RBFOX1: variants seen among roughly 807,000 people sequenced by gnomAD.
RBFOX1 encodes RNA binding protein fox-1 homolog 1.
Under a neutral mutation model 57.7 loss-of-function variants are expected in RBFOX1, and 8 were observed. The ratio of observed to expected loss-of-function variants is 0.14; its 90% CI spans 0.08 to 0.25. RBFOX1 has a LOEUF of 0.25. RBFOX1 is among the 10% of genes least tolerant of loss of function. The pLI is 1.00. For missense variants in RBFOX1, 611 were observed against 548.5 expected (o/e 1.11, Z -1.14); for synonymous variants, 326 against 222.4 (o/e 1.47, Z -4.15).
At chr16:5,367,250 C>A (rs2065742633) in intron 1 of RBFOX1, among the ~76,000 whole-genome samples, 2 of 152,168 alleles carry the variant, frequency 1.3e-5, no homozygotes, top group Admixed American at 1.3e-4. Context: ...AGTTTCTGCA[C>A]ACAAGTGGGT....
chr16:5,615,750 G>A (rs62016932), intron 3 of RBFOX1, among the ~76,000 whole-genome samples: 2 of 152,182 alleles, frequency 1.3e-5, no homozygotes, highest in African/African-American at 2.4e-5. Flanking sequence ...GGGGGACCCC[G>A]TTAGGAAAAA....
chr16:7,652,316 G>C (rs958818026), intron 11 of RBFOX1, among the ~76,000 whole-genome samples: 2 of 152,160 alleles, frequency 1.3e-5, no homozygotes, highest in African/African-American at 4.8e-5. Flanking sequence ...CAGGGGGCTG[G>C]GGTAATCATC....
intron 4 of RBFOX1, among the ~76,000 whole-genome samples, chr16:7,491,665 C>G (rs1042811263): frequency 2.6e-5 from 4 of 152,074 alleles, no homozygotes; most frequent in African/African-American, 9.7e-5. Flanking sequence ...GGGTCTTGCT[C>G]TGTCACCCAG....
chr16:6,897,666 G>A (rs1263634374), intron 3 of RBFOX1, among the ~76,000 whole-genome samples: 1 of 152,010 alleles, frequency 6.6e-6, no homozygotes, highest in Non-Finnish European at 1.5e-5. Flanking sequence ...GGTGGCACGT[G>A]TCTGTAATCA....
At chr16:6,845,502 T>C (rs1299185657) in intron 3 of RBFOX1, among the ~76,000 whole-genome samples, 2 of 152,206 alleles carry the variant, frequency 1.3e-5, no homozygotes, top group Non-Finnish European at 2.9e-5. Flanking sequence ...GTGTGCAGTC[T>C]TATTTCTGAG....
At chr16:6,326,554 G>A (rs2082392957) in intron 2 of RBFOX1, among the ~76,000 whole-genome samples, 1 of 151,884 alleles carries the variant, frequency 6.6e-6, no homozygotes, top group Admixed American at 6.6e-5. Flanking sequence ...CTTCTCAGAG[G>A]GCATTCTCCT....
intron 3 of RBFOX1, among the ~76,000 whole-genome samples, chr16:6,975,631 A>G (rs2086660445): frequency 6.6e-6 from 1 of 152,214 alleles, no homozygotes; most frequent in Non-Finnish European, 1.5e-5. Flanking sequence ...CCCACTTGAC[A>G]GATGAAAAGA....
At chr16:5,274,000 G>C (rs1309264257) in intron 1 of RBFOX1, among the ~76,000 whole-genome samples, 1 of 152,208 alleles carries the variant, frequency 6.6e-6, no homozygotes, top group Admixed American at 6.5e-5. Context: ...ATCCGGGTGT[G>C]CTGGAGGAAA....
At chr16:5,959,770 C>G (rs1433647376) in intron 4 of RBFOX1, among the ~76,000 whole-genome samples, 1 of 152,128 alleles carries the variant, frequency 6.6e-6, no homozygotes, top group Non-Finnish European at 1.5e-5. Context: ...CGAGATCGCA[C>G]CACTGAACTC....
intron 2 of RBFOX1, among the ~76,000 whole-genome samples, chr16:6,584,745 GT>G (rs1203341331): frequency 1.3e-5 from 2 of 152,112 alleles, no homozygotes; most frequent in African/African-American, 2.4e-5. Flanking sequence ...GCTGGAAGAT[GT>G]GAATTGCCAC....
intron 1 of RBFOX1, among the ~76,000 whole-genome samples, chr16:5,434,144 C>T (rs573910): frequency 0.019 from 2,893 of 152,090 alleles, 90 homozygotes; most frequent in African/African-American, 0.066. Flanking sequence ...GTCATAGCTG[C>T]GTTTTGTTTT....
intron 2 of RBFOX1, among the ~76,000 whole-genome samples, chr16:6,385,373 T>C (rs1435751174): frequency 6.6e-6 from 1 of 152,234 alleles, no homozygotes; most frequent in African/African-American, 2.4e-5. Context: ...TTTATTTTAT[T>C]TTTTGAGACA....
intron 4 of RBFOX1, among the ~76,000 whole-genome samples, chr16:7,462,359 A>T (rs1453944381): frequency 6.6e-6 from 1 of 152,188 alleles, no homozygotes; most frequent in African/African-American, 2.4e-5. Context: ...GCCTGGTATG[A>T]TGGTGGGCTC....
At chr16:7,119,098 C>A (rs866767756) in intron 4 of RBFOX1, among the ~76,000 whole-genome samples, 3 of 152,062 alleles carry the variant, frequency 2.0e-5, no homozygotes, top group East Asian at 1.9e-4. Context: ...AAGCAACATG[C>A]GGAATCTAGG....
intron 4 of RBFOX1, among the ~76,000 whole-genome samples, chr16:7,070,190 A>G (rs1345258185): frequency 6.6e-6 from 1 of 152,240 alleles, no homozygotes; most frequent in Non-Finnish European, 1.5e-5. Context: ...CTGAGCGATC[A>G]GAGCACGAGG....
chr16:5,851,196 T>C (rs2056889603), intron 3 of RBFOX1, among the ~76,000 whole-genome samples: 12 of 152,194 alleles, frequency 7.9e-5, no homozygotes, highest in Admixed American at 7.9e-4. Flanking sequence ...CTAGTTATTA[T>C]CATGGTTGTA....
At chr16:7,599,028 T>C (rs2094866725) in intron 9 of RBFOX1, among the ~76,000 whole-genome samples, 1 of 152,238 alleles carries the variant, frequency 6.6e-6, no homozygotes, top group Non-Finnish European at 1.5e-5. Flanking sequence ...ATAATAGGGC[T>C]CTAAGTTGAA....
chr16:5,454,963 CTTTCTTTCTTTCTTTCTTT>C (rs1567536013), intron 1 of RBFOX1, among the ~76,000 whole-genome samples: 14 of 48,776 alleles, frequency 2.9e-4, no homozygotes, highest in Non-Finnish European at 5.2e-4. Context: ...TCCTTCCTTT[CTTTCTTTCTTTCTTTCTTT>C]CTTTCTTTCT....
chr16:7,421,917 G>T (rs1366289903), intron 4 of RBFOX1, among the ~76,000 whole-genome samples: 9 of 152,198 alleles, frequency 5.9e-5, no homozygotes, highest in Non-Finnish European at 1.2e-4. Flanking sequence ...CGGGTAGGAA[G>T]TGTACACACA....
Sources: gnomAD v4.1 joint callset for allele counts (sites outside exome capture counted in the v4.1 genomes callset) on GRCh38, gnomAD v4.1.1 for gene constraint, MANE v1.5 for transcripts, NCBI Gene and HGNC (gene_info 2026-07-23, HGNC 2026-07-21) for gene names.